UGGT2: variants seen among roughly 807,000 people sequenced by gnomAD.
UGGT2 encodes UDP-glucose glycoprotein glucosyltransferase 2, also known as UDP-glucose:glycoprotein glucosyltransferase 2.
Under a neutral mutation model 192.1 loss-of-function variants are expected in UGGT2, and 180 were observed. The observed-to-expected ratio is 0.94, with a 90% CI of 0.83 to 1.06. The LOEUF (loss-of-function observed/expected upper bound fraction) is 1.06, where lower values mean the gene tolerates loss of function less well. Among genes scored for constraint, UGGT2 ranks in the 50% least tolerant of loss-of-function variants. The pLI, the probability that UGGT2 is intolerant of heterozygous loss-of-function variation, is 0.00. For missense variants in UGGT2, 1,849 were observed against 1,795.7 expected (o/e 1.03, Z -0.54); for synonymous variants, 580 against 591.0 (o/e 0.98, Z 0.27).
chr13:95,936,342 T>C (rs929422247), intron 17 of UGGT2, among the ~76,000 whole-genome samples: 2 of 152,246 alleles, frequency 1.3e-5, no homozygotes, highest in South Asian at 4.1e-4. Flanking sequence ...AGATAGCCCT[T>C]ATGAGTAAAA....
chr13:95,914,139 C>T (rs954664141), intron 20 of UGGT2, among the ~76,000 whole-genome samples: 1 of 151,788 alleles, frequency 6.6e-6, no homozygotes, highest in African/African-American at 2.4e-5. Flanking sequence ...GGAGACATAC[C>T]TAATGTAAAT....
At chr13:96,008,702 T>C (rs542809276) in intron 5 of UGGT2, among the ~76,000 whole-genome samples, 3 of 152,128 alleles carry the variant, frequency 2.0e-5, no homozygotes, top group Non-Finnish European at 4.4e-5. Context: ...GAATTATTAA[T>C]ACAAAACACT....
At chr13:96,020,633 C>A (rs1238178355) in intron 4 of UGGT2, among the ~76,000 whole-genome samples, 1 of 152,164 alleles carries the variant, frequency 6.6e-6, no homozygotes, top group African/African-American at 2.4e-5. Context: ...GACTACAACA[C>A]AGTTATCAGG....
chr13:96,025,423 G>A (rs566916638), intron 2 of UGGT2, among the ~76,000 whole-genome samples: 1 of 152,262 alleles, frequency 6.6e-6, no homozygotes, highest in Admixed American at 6.5e-5. Context: ...TAGGCCAAGG[G>A]AAATAAGTTC....
At chr13:95,825,860 G>A (rs1885985558) in intron 38 of UGGT2, among the ~76,000 whole-genome samples, 1 of 152,066 alleles carries the variant, frequency 6.6e-6, no homozygotes, top group Admixed American at 6.6e-5. Flanking sequence ...TTGTCCCACA[G>A]GTTGCTCCCT....
intron 6 of UGGT2, among the ~76,000 whole-genome samples, chr13:95,998,659 G>A (rs990468334): frequency 1.3e-5 from 2 of 152,056 alleles, no homozygotes; most frequent in African/African-American, 4.8e-5. Context: ...AGTCTTCAGA[G>A]TCTCTTCATC....
At chr13:95,822,026 G>A (rs1184893820) in intron 38 of UGGT2, among the ~76,000 whole-genome samples, 1 of 152,038 alleles carries the variant, frequency 6.6e-6, no homozygotes, top group East Asian at 1.9e-4. Context: ...TTTTGTTTAG[G>A]ATTGCTTTAG....
chr13:95,909,252 G>A (rs1484978754), intron 20 of UGGT2, among the ~76,000 whole-genome samples: 2 of 151,986 alleles, frequency 1.3e-5, no homozygotes, highest in South Asian at 2.1e-4. Context: ...CCATTACTGG[G>A]TATATACCCA....
chr13:95,887,954 GATA>G lies in UGGT2; in HGVS notation c.2973_2975del (p.Ile992del). Reference sequence around the variant, plus strand: ...TCATGAACAACTTTATCTTCATGTTGATAATCTTGCCAAGTACCTATTGGAAAG... The same window carrying G: ...TCATGAACAACTTTATCTTCATGTTGATCTTGCCAAGTACCTATTGGAAAG... On this transcript the variant is annotated inframe_deletion, in exon 26 of 39. Coordinates refer to ENST00000376747, the MANE Select transcript of UGGT2 (RefSeq NM_020121.4). 1 of 1,602,082 alleles carries G rather than the reference GATA, an allele frequency of 6.2e-7. No individual in the cohort carries two copies. The highest frequency in any genetic ancestry group is 8.5e-7 in the Non-Finnish European group (1 of 1,173,552).
intron 17 of UGGT2, among the ~76,000 whole-genome samples, chr13:95,930,855 C>A (rs2049230635): frequency 1.3e-5 from 2 of 152,144 alleles, no homozygotes; most frequent in South Asian, 4.1e-4. Flanking sequence ...GGTGGTCTCG[C>A]TGGCTTCAGG....
At chr13:95,820,083 C>T (rs564101299) in intron 38 of UGGT2, among the ~76,000 whole-genome samples, 18 of 152,154 alleles carry the variant, frequency 1.2e-4, no homozygotes, top group South Asian at 4.1e-4. Context: ...ACTTGAACCT[C>T]GGAGGCAGAG....
chr13:95,968,039 C>T (rs549179453), intron 12 of UGGT2, among the ~76,000 whole-genome samples: 1 of 152,174 alleles, frequency 6.6e-6, no homozygotes, highest in East Asian at 1.9e-4. Context: ...TCACACAACA[C>T]TTTTATTTCC....
chr13:95,804,766 TCTTA>T (rs1370150202), intron 38 of UGGT2, among the ~76,000 whole-genome samples: 4 of 152,114 alleles, frequency 2.6e-5, no homozygotes, highest in African/African-American at 9.7e-5. Context: ...TGAACTCCTA[TCTTA>T]CATGACATAT....
chr13:95,904,142 T>G (rs2048198179), intron 20 of UGGT2, among the ~76,000 whole-genome samples: 1 of 152,088 alleles, frequency 6.6e-6, no homozygotes, highest in South Asian at 2.1e-4. Context: ...TATGGCTTGT[T>G]TTGTAGTGTA....
intron 10 of UGGT2, among the ~76,000 whole-genome samples, chr13:95,973,381 CAAT>C (rs978119035): frequency 1.3e-5 from 2 of 151,946 alleles, no homozygotes; most frequent in African/African-American, 4.8e-5. Context: ...TCTAATGTTA[CAAT>C]AATTACTTAT....
chr13:95,811,163 T>C (rs1363384262), intron 38 of UGGT2, among the ~76,000 whole-genome samples: 1 of 152,162 alleles, frequency 6.6e-6, no homozygotes, highest in African/African-American at 2.4e-5. Context: ...AAATGTAAAA[T>C]ACAGCCAGTG....
Position 95,900,823 on chromosome 13 carries a change from A to G in UGGT2, c.2618T>C (p.Ile873Thr), listed in dbSNP as rs1339328890. Reference sequence around the variant, plus strand: ...TCTACTTACTCTCCCATTGCTGACAATACCCATTTCTCCAGGACGTAATTT... The same window carrying G: ...TCTACTTACTCTCCCATTGCTGACAGTACCCATTTCTCCAGGACGTAATTT... ...VLKLRPGEMGIVSNGRFLGPL... is the reference protein window; with the variant it reads ...VLKLRPGEMGTVSNGRFLGPL... The change falls in exon 22 of 39, where the codon ATT (isoleucine) becomes ACT (threonine). Residue 873 changes from isoleucine to threonine, a missense_variant. Transcript: ENST00000376747. 6.2e-7 allele frequency: 1 copy of G among 1,609,580 alleles called. No homozygotes were observed.
chr13:96,043,732 A>C (rs578197686), intron 1 of UGGT2, among the ~76,000 whole-genome samples: 2 of 152,184 alleles, frequency 1.3e-5, no homozygotes, highest in African/African-American at 4.8e-5. Context: ...TATGAGATAA[A>C]ACAAATGTTA....
intron 12 of UGGT2, among the ~76,000 whole-genome samples, chr13:95,950,555 T>A (rs1294160196): frequency 7.9e-5 from 8 of 101,634 alleles, no homozygotes; most frequent in East Asian, 2.8e-4. Flanking sequence ...AAAAAAAAAG[T>A]CATGCAAAGA....
Sources: gnomAD v4.1 joint callset for allele counts (sites outside exome capture counted in the v4.1 genomes callset) on GRCh38, gnomAD v4.1.1 for gene constraint, MANE v1.5 for transcripts, NCBI Gene and HGNC (gene_info 2026-07-23, HGNC 2026-07-21) for gene names.